Variants in TAB1 observed in about 807,000 individuals in gnomAD.
TAB1 encodes TGF-beta activated kinase 1 (MAP3K7) binding protein 1.
A neutral mutation model predicts 54.5 loss-of-function variants in TAB1; 30 were observed. The observed-to-expected ratio is 0.55, with a 90% CI of 0.41 to 0.75. The LOEUF (loss-of-function observed/expected upper bound fraction) is 0.75, where lower values mean the gene tolerates loss of function less well. Among genes scored for constraint, TAB1 ranks in the 30% least tolerant of loss-of-function variants. The pLI is 0.00. For missense variants in TAB1, 609 were observed against 683.2 expected (o/e 0.89, Z 1.21); for synonymous variants, 289 against 286.9 (o/e 1.01, Z -0.07).
Position 39,419,367 on chromosome 22 carries a change from G to A in TAB1, c.665-152G>A, listed in dbSNP as rs918907948. On this transcript the variant is annotated intron_variant, in intron 6 of 10. Coordinates refer to ENST00000216160, the MANE Select transcript of TAB1 (RefSeq NM_006116.3). ...GGGACTGAGGACACCAGGGACTTTG[G>A]GTCAGCTGCTCTCCCAGGTGCCCTG... 2.1e-4 allele frequency: 119 copies of A among 569,162 alleles called. 1 individual carries two copies. The highest frequency in any genetic ancestry group is 6.2e-5 in the Non-Finnish European group (20 of 324,816). The allele number at this position is 569,162 out of a possible 1,614,324, so 35.3% of individuals were successfully genotyped here. A position where few individuals can be genotyped will look rare whatever the true frequency, so the allele number is the denominator to read the frequency against.
At chr22:39,419,377 T>C (rs1051551694) in intron 6 of TAB1, 142 bp from the exon 7 acceptor site, 2 of 610,262 alleles carry the variant, frequency 3.3e-6, no homozygotes, top group Non-Finnish European at 2.8e-6. Flanking sequence ...GGTCAGCTGC[T>C]CTCCCAGGTG....
intron 4 of TAB1, 108 bp downstream of exon 4, chr22:39,416,985 A>G (rs1926861762): frequency 9.6e-7 from 1 of 1,037,572 alleles, no homozygotes; most frequent in African/African-American, 1.6e-5. Flanking sequence ...AACAGGCGTT[A>G]GGGAGCAGTT....
chr22:39,428,634 C>T (rs992714568), intron 10 of TAB1, among the ~76,000 whole-genome samples: 9 of 152,138 alleles, frequency 5.9e-5, no homozygotes, highest in East Asian at 1.9e-4. Flanking sequence ...GAGGGGGATG[C>T]GGCCAGGCCC....
chr22:39,433,618 C>T (rs770053137), downstream of TAB1: 105 of 985,292 alleles, frequency 1.1e-4, no homozygotes, highest in Non-Finnish European at 1.2e-4. Flanking sequence ...CCGTCCTGGT[C>T]TGGTCGTCTC....
At chr22:39,405,409 T>G (rs1333197051) in intron 1 of TAB1, among the ~76,000 whole-genome samples, 2 of 152,256 alleles carry the variant, frequency 1.3e-5, no homozygotes, top group Non-Finnish European at 1.5e-5. Flanking sequence ...CATGAGCAGT[T>G]CATTTCTCAG....
At position 39,429,226 on chromosome 22, in the gene TAB1, T is replaced by C. The variant is rs1231442603; in HGVS notation, c.1308-789T>C. On this transcript the variant is annotated intron_variant, in intron 10 of 10. Transcript: ENST00000216160. ...AGCTGTGATAGAAGGTGGGTGCCCG[T>C]CCCCACCCAGCTGATGAGAAGAGAT... 4.1e-6 allele frequency: 4 copies of C among 984,848 alleles called. No individual in the cohort carries two copies. The African/African-American group carries it at 7.0e-5, about 17-fold the overall frequency. 61.0% of individuals were successfully genotyped at this position (984,848 alleles called of 1,614,324 possible). A position where few individuals can be genotyped will look rare whatever the true frequency, so the allele number is the denominator to read the frequency against.
intron 4 of TAB1, 118 bp from the exon 5 acceptor site, chr22:39,417,593 C>T (rs952197295): frequency 9.5e-7 from 1 of 1,054,350 alleles, no homozygotes; most frequent in Non-Finnish European, 1.3e-6. Flanking sequence ...TGCACTGTAG[C>T]CTGGGGGACA....
In TAB1 at chr22:39,399,794, T is replaced by C. The variant is rs758291335; in HGVS notation, c.-9T>C. 2 of 1,590,292 alleles carry C rather than the reference T, an allele frequency of 1.3e-6. No individual in the cohort carries two copies. The highest frequency in any genetic ancestry group is 1.7e-6 in the Non-Finnish European group (2 of 1,168,978). On this transcript the variant is annotated 5_prime_UTR_variant, in exon 1 of 11. Coordinates refer to ENST00000216160, the MANE Select transcript of TAB1 (RefSeq NM_006116.3). The stretch of plus-strand genomic sequence containing the variant: ...GGGAGGCGGGCGCTCCCGCAGGGGT[T>C]CCTCCAAGATGGCGGCGCAGAGGAG...
chr22:39,403,898 C>T (rs1217834649), intron 1 of TAB1, among the ~76,000 whole-genome samples: 1 of 152,124 alleles, frequency 6.6e-6, no homozygotes, highest in Non-Finnish European at 1.5e-5. Context: ...CCAGCCTCGG[C>T]CTCCCAAAGT....
At chr22:39,422,978 C>CTT (rs556909738) in intron 8 of TAB1, among the ~76,000 whole-genome samples, 1,855 of 136,488 alleles carry the variant, frequency 0.014, 56 homozygotes, top group African/African-American at 0.047. Flanking sequence ...TCTGCTTTGA[C>CTT]TTTTTTTTTT....
rs546051820 is a variant in TAB1 at position 39,430,745 on chromosome 22, C to T, written c.*523C>T. On this transcript the variant is annotated 3_prime_UTR_variant, in exon 11 of 11. Transcript: ENST00000216160. ...TGTCCGCATCTGTCCCTGGGCCCCACCCCTGGACCTGCCTTGGTTGTGTCA... is the reference window on the plus strand; with the variant it reads ...TGTCCGCATCTGTCCCTGGGCCCCATCCCTGGACCTGCCTTGGTTGTGTCA... The T allele has an allele frequency of 9.0e-5, 91 of 1,013,772 alleles. No homozygotes were observed. The highest frequency in any genetic ancestry group is 1.0e-4 in the Non-Finnish European group (88 of 845,002). 62.8% of individuals were successfully genotyped at this position (1,013,772 alleles called of 1,614,324 possible).
Position 39,431,790 on chromosome 22 carries a change from C to T in TAB1, c.*1568C>T, listed in dbSNP as rs932252549. ...CAAAAGGAATTCTCTTCCAAGAATG[C>T]CTCTGTGGTGCTGTTTGGTCTCTAG... On this transcript the variant is annotated 3_prime_UTR_variant, in exon 11 of 11. Transcript: ENST00000216160. 3 of 985,336 alleles carry T rather than the reference C, an allele frequency of 3.0e-6. No individual in the cohort carries two copies. The highest frequency in any genetic ancestry group is 4.7e-5 in the South Asian group (1 of 21,290). The allele number at this position is 985,336 out of a possible 1,614,324, so 61.0% of individuals were successfully genotyped here. A position where few individuals can be genotyped will look rare whatever the true frequency, so the allele number is the denominator to read the frequency against.
At position 39,430,638 on chromosome 22, in the gene TAB1, TCCCTCACCTCGGG is replaced by T; in HGVS notation, c.*417_*429del. 10 of 866,756 alleles carry T rather than the reference TCCCTCACCTCGGG, an allele frequency of 1.2e-5. No homozygotes were observed. The highest frequency in any genetic ancestry group is 9.0e-5 in the Admixed American group (2 of 22,340). 53.7% of individuals were successfully genotyped at this position (866,756 alleles called of 1,614,324 possible). On this transcript the variant is annotated 3_prime_UTR_variant, in exon 11 of 11. Coordinates refer to ENST00000216160, the MANE Select transcript of TAB1 (RefSeq NM_006116.3). ...GCCCACCCCTCCTCCCACCATCACC[TCCCTCACCTCGGG>T]ACAGTAGCCCTCCACTTCTCCAGCC...
intron 8 of TAB1, among the ~76,000 whole-genome samples, chr22:39,422,791 G>C (rs1410481573): frequency 6.6e-6 from 1 of 152,112 alleles, no homozygotes; most frequent in Non-Finnish European, 1.5e-5. Context: ...TCAGCCAAGA[G>C]TTGCTTATTT....
At chr22:39,405,712 C>T (rs1926332049) in intron 1 of TAB1, among the ~76,000 whole-genome samples, 1 of 152,208 alleles carries the variant, frequency 6.6e-6, no homozygotes, top group Non-Finnish European at 1.5e-5. Context: ...ACTTGGCAGT[C>T]CTGTAGGCTT....
Position 39,418,815 on chromosome 22 carries a change from G to T in TAB1, c.634G>T (p.Glu212Ter). The change falls in exon 6 of 11, where the codon GAG becomes TAG. Residue 212 changes from glutamate (E) to a stop codon, truncating the protein, a stop_gained. Coordinates refer to ENST00000216160, the MANE Select transcript of TAB1 (RefSeq NM_006116.3). LOFTEE classifies it high-confidence loss of function. ...QLNVDHTTEN[E>*]DELFRLSQLG... ...GAACGTGGACCACACCACAGAGAACGAGGATGAGCTCTTCCGTCTTTCGCA... is the reference window on the plus strand; with the variant it reads ...GAACGTGGACCACACCACAGAGAACTAGGATGAGCTCTTCCGTCTTTCGCA... 6.2e-7 allele frequency: 1 copy of T among 1,614,150 alleles called. No individual in the cohort carries two copies. The highest frequency in any genetic ancestry group is 8.5e-7 in the Non-Finnish European group (1 of 1,179,994).
At chr22:39,436,266 C>T (rs1204239499), downstream of TAB1, among the ~76,000 whole-genome samples, 1 of 151,886 alleles carries the variant, frequency 6.6e-6, no homozygotes, top group Non-Finnish European at 1.5e-5. Flanking sequence ...ATACTCCAGC[C>T]TGGGCAACAG....
chr22:39,429,848 T>C (rs1369377179), intron 10 of TAB1, 167 bp from the exon 11 acceptor site: 4 of 985,366 alleles, frequency 4.1e-6, no homozygotes, highest in African/African-American at 1.7e-5. Context: ...TTTGACTTTT[T>C]ATCTGTTCCT....
intron 1 of TAB1, among the ~76,000 whole-genome samples, chr22:39,407,641 A>T (rs2047475712): frequency 6.6e-6 from 1 of 151,872 alleles, no homozygotes; most frequent in South Asian, 2.1e-4. Context: ...GTCTGCCACC[A>T]CGCCCGGCTA....
Sources: gnomAD v4.1 joint callset for allele counts (sites outside exome capture counted in the v4.1 genomes callset) on GRCh38, gnomAD v4.1.1 for gene constraint, MANE v1.5 for transcripts, NCBI Gene and HGNC (gene_info 2026-07-23, HGNC 2026-07-21) for gene names.